The following FBXL6 variants were observed in gnomAD, a reference collection of about 807,000 sequenced individuals.
FBXL6 encodes the protein F-box and leucine rich repeat protein 6, also known as F-box/LRR-repeat protein 6.
A neutral mutation model predicts 53.3 loss-of-function variants in FBXL6; 50 were observed. The observed-to-expected ratio is 0.94, with a 90% CI of 0.75 to 1.19. The LOEUF (loss-of-function observed/expected upper bound fraction) is 1.19. FBXL6 is among the 50% of genes most tolerant of loss of function. FBXL6 has a pLI of 0.00. For missense variants in FBXL6, 815 were observed against 719.0 expected (o/e 1.13, Z -1.53); for synonymous variants, 405 against 322.9 (o/e 1.25, Z -2.73).
chr8:144,356,691 T>A lies in FBXL6; in HGVS notation c.902A>T (p.Gln301Leu). 3 of 1,612,036 alleles carry A rather than the reference T, an allele frequency of 1.9e-6. No homozygotes were observed. In the South Asian group the frequency reaches 3.3e-5, roughly 18 times the overall value. Residue 301 changes from glutamine to leucine, a missense_variant, in exon 6 of 9, where the codon CAG (glutamine) becomes CTG (leucine). Physicochemically the swap from Gln to Leu is moderately radical, Grantham distance 113. Coordinates refer to ENST00000331890, the MANE Select transcript of FBXL6 (RefSeq NM_012162.4). ...GATGCCGGTGCTCACCTCCAGGACC[T>A]GGAGCTGGGGGCAGCAGCTGCCCTG... ...ALLGSCCPQL[Q>L]VLEVSTGINR...
In FBXL6 at chr8:144,357,659, G is replaced by C. The variant is rs1326471203; in HGVS notation, c.544C>G (p.Leu182Val). 17 of 1,610,664 alleles carry C rather than the reference G, an allele frequency of 1.1e-5. No individual in the cohort carries two copies. The highest frequency in any genetic ancestry group is 1.4e-5 in the Non-Finnish European group (17 of 1,178,636). Residue 182 changes from leucine to valine, a missense_variant, in exon 2 of 9, where the codon CTT (leucine) becomes GTT (valine). Leu to Val is a conservative substitution (Grantham distance 32, BLOSUM62 1). Coordinates refer to ENST00000331890, the MANE Select transcript of FBXL6 (RefSeq NM_012162.4). ...GGCATAAGCCACTCCAGGGAAGCAA[G>C]GAGCTTCTTCTCCGCCTTGACCCCG... Reference protein sequence around the residue: ...KGGVKAEKKLLASLEWLMPNR... With the variant: ...KGGVKAEKKLVASLEWLMPNR...
Position 144,355,469 on chromosome 8 carries a change from C to T in FBXL6, c.*62G>A, listed in dbSNP as rs1818355488. On this transcript the variant is annotated 3_prime_UTR_variant, in exon 9 of 9. Transcript: ENST00000331890. ...TTATTTTAACAAAATGCTCAAATAT[C>T]TGAAATTGGGCAAAGGTGGAGGGTG... 6 of 1,579,566 alleles carry T rather than the reference C, an allele frequency of 3.8e-6. No individual in the cohort carries two copies. Among genetic ancestry groups the T allele is most frequent in the South Asian group, 1.1e-5 (1 of 89,578 alleles).
rs368840547 is a variant in FBXL6, at chr8:144,357,797, A to T, written c.417-11T>A. Reference sequence around the variant, plus strand: ...CACACGCGCGCAGCCCTGGGAGGACAGCGTGCTGAGGGTGCCGGCCCCTCC... The same window carrying T: ...CACACGCGCGCAGCCCTGGGAGGACTGCGTGCTGAGGGTGCCGGCCCCTCC... On this transcript the variant is annotated splice_polypyrimidine_tract_variant and intron_variant, in intron 1 of 8. Coordinates refer to ENST00000331890, the MANE Select transcript of FBXL6 (RefSeq NM_012162.4). The T allele has an allele frequency of 1.6e-4, 240 of 1,537,246 alleles. 2 individuals carry two copies. In the South Asian group the frequency reaches 2.8e-3, roughly 18 times the overall value.
rs1554853362 is a variant in FBXL6, at chr8:144,358,079, A to G, written c.369T>C (p.Ile123=). The G allele has an allele frequency of 1.3e-6, 2 of 1,598,216 alleles. No individual in the cohort carries two copies. Among genetic ancestry groups the G allele is most frequent in the Admixed American group, 3.4e-5 (2 of 59,578 alleles). ...CGTCCGCCGCCACCAACAACCCGAA[A>G]ATCTGCACCAGGATTTCCAAGGGAA... ...DRIPLEILVQ[I]FGLLVAADGP... Residue 123 remains isoleucine (I), a synonymous_variant, in exon 1 of 9, where the codon ATT becomes ATC. Coordinates refer to ENST00000331890, the MANE Select transcript of FBXL6 (RefSeq NM_012162.4).
chr8:144,357,751 G>A lies in FBXL6; in HGVS notation c.452C>T (p.Ala151Val), dbSNP rs1554853232. 1.3e-6 allele frequency: 2 copies of A among 1,596,612 alleles called. No homozygotes were observed. Among genetic ancestry groups the A allele is most frequent in the Non-Finnish European group, 1.7e-6 (2 of 1,173,462 alleles). Reference protein sequence around the residue: ...ARVCRRWQEAASQPALWHTVT... With the variant: ...ARVCRRWQEAVSQPALWHTVT... ...GGTGTGCCAGAGCGCGGGTTGGGAAGCGGCCTCCTGCCAGCGGCGGCACAC... is the reference window on the plus strand; with the variant it reads ...GGTGTGCCAGAGCGCGGGTTGGGAAACGGCCTCCTGCCAGCGGCGGCACAC... Residue 151 changes from alanine (A) to valine (V), a missense_variant, in exon 2 of 9, where the codon GCT becomes GTT. Physicochemically the swap from Ala to Val is moderately conservative, Grantham distance 64 (BLOSUM62 0). Transcript: ENST00000331890.
At position 144,356,956 on chromosome 8, in the gene FBXL6, GT is replaced by G. The variant is rs782111680; in HGVS notation, c.771+33del. The G allele has an allele frequency of 1.9e-6, 3 of 1,613,096 alleles. No individual in the cohort carries two copies. In the South Asian group the frequency reaches 3.3e-5, roughly 18 times the overall value. On this transcript the variant is annotated intron_variant, in intron 4 of 8. Coordinates refer to ENST00000331890, the MANE Select transcript of FBXL6 (RefSeq NM_012162.4). ...AAGAGCACCCGTCACCCCGGCCTGG[GT>G]TTTTTCAGGGCCCCTTGGGACACAG...
rs1554852987 is a variant in FBXL6, at chr8:144,356,972, T to C, written c.771+18A>G. On this transcript the variant is annotated intron_variant, in intron 4 of 8. Transcript: ENST00000331890. The stretch of plus-strand genomic sequence containing the variant: ...CCGGCCTGGGTTTTTTCAGGGCCCC[T>C]TGGGACACAGGGCTCACCATGGAGT... The C allele has an allele frequency of 5.0e-6, 8 of 1,612,984 alleles. No homozygotes were observed. Among genetic ancestry groups the C allele is most frequent in the Non-Finnish European group, 6.8e-6 (8 of 1,179,972 alleles).
intron 2 of FBXL6, 28 bp from the exon 3 acceptor site, chr8:144,357,530 A>G (rs1554853167): frequency 6.2e-7 from 1 of 1,613,248 alleles, no homozygotes; most frequent in Admixed American, 1.7e-5. Flanking sequence ...GCAGAGCTGC[A>G]CTAATGTTCC....
Position 144,356,733 on chromosome 8 carries a change from G to A in FBXL6, c.880-20C>T, listed in dbSNP as rs1554852900. ...GCTGCCCTGCAGAGATGGGGGGAGGGGGTAGGTCACAGGGTCAGTGGCCTG... is the reference window on the plus strand; with the variant it reads ...GCTGCCCTGCAGAGATGGGGGGAGGAGGTAGGTCACAGGGTCAGTGGCCTG... On this transcript the variant is annotated intron_variant, in intron 5 of 8. Coordinates refer to ENST00000331890, the MANE Select transcript of FBXL6 (RefSeq NM_012162.4). 2 of 1,610,214 alleles carry A rather than the reference G, an allele frequency of 1.2e-6. No individual in the cohort carries two copies. The highest frequency in any genetic ancestry group is 1.1e-5 in the South Asian group (1 of 91,018).
chr8:144,358,256 G>A lies in FBXL6; in HGVS notation c.192C>T (p.Ser64=). The change falls in exon 1 of 9, where the codon TCC becomes TCT. Residue 64 remains serine, a synonymous_variant. Coordinates refer to ENST00000331890, the MANE Select transcript of FBXL6 (RefSeq NM_012162.4). ...PARPRAQRRA[S]RRTPRQPPRG... ...GGGGCGGCTGCCGGGGAGTGCGGCG[G>A]GAAGCGCGCCGCTGTGCGCGGGGCC... 8.2e-7 allele frequency: 1 copy of A among 1,218,658 alleles called. No individual in the cohort carries two copies. Among genetic ancestry groups the A allele is most frequent in the Non-Finnish European group, 1.0e-6 (1 of 979,386 alleles). The allele number at this position is 1,218,658 out of a possible 1,614,324, so 75.5% of individuals were successfully genotyped here. A position where few individuals can be genotyped will look rare whatever the true frequency, so the allele number is the denominator to read the frequency against.
intron 2 of FBXL6, 43 bp from the exon 3 acceptor site, chr8:144,357,545 C>G: frequency 6.2e-7 from 1 of 1,612,488 alleles, no homozygotes. Flanking sequence ...TGTTCCCACA[C>G]GAGTCCTTCC....
intron 3 of FBXL6, 127 bp downstream of exon 3, chr8:144,357,303 GAAAAGAGAA>G: frequency 7.8e-7 from 1 of 1,281,196 alleles, no homozygotes; most frequent in Non-Finnish European, 1.1e-6. Context: ...GAAACAGCAG[GAAAAGAGAA>G]CCAGGCAGGC....
In FBXL6 at chr8:144,356,866, A is replaced by T; in HGVS notation, c.821T>A (p.Met274Lys). ...VSFLEEAGSR[M>K]RKLWLTYSSQ... ...GCTGTAGGTCAGCCACAACTTGCGC[A>T]TTCGGGACCCTGCCTCCTCCAAGAA... is the stretch of plus-strand genomic sequence containing the variant. Residue 274 changes from methionine to lysine, a missense_variant, in exon 5 of 9, where the codon ATG becomes AAG. Physicochemically the swap from Met to Lys is moderately conservative, Grantham distance 95. Coordinates refer to ENST00000331890, the MANE Select transcript of FBXL6 (RefSeq NM_012162.4). 3 of 1,613,428 alleles carry T rather than the reference A, an allele frequency of 1.9e-6. No individual in the cohort carries two copies. Among genetic ancestry groups the T allele is most frequent in the Non-Finnish European group, 2.5e-6 (3 of 1,179,998 alleles).
Position 144,357,075 on chromosome 8 carries a change from C to G in FBXL6, c.686G>C (p.Gly229Ala), listed in dbSNP as rs1818486128. The change falls in exon 4 of 9, where the codon GGC becomes GCC. Residue 229 changes from glycine to alanine, a missense_variant. Physicochemically the swap from Gly to Ala is moderately conservative, Grantham distance 60. Coordinates refer to ENST00000331890, the MANE Select transcript of FBXL6 (RefSeq NM_012162.4). The stretch of plus-strand genomic sequence containing the variant: ...AGCGTCAGCAGTCACACCGTGGCAG[C>G]CGGAGAGCTTGAGGAAAGTGAGCCG... ...CPRLTFLKLS[G>A]CHGVTADALV... 2 of 1,612,980 alleles carry G rather than the reference C, an allele frequency of 1.2e-6. No individual in the cohort carries two copies. Among genetic ancestry groups the G allele is most frequent in the Non-Finnish European group, 1.7e-6 (2 of 1,180,024 alleles).
In FBXL6 at chr8:144,357,753, G is replaced by A. The variant is rs1554853233; in HGVS notation, c.450C>T (p.Ala150=). The A allele has an allele frequency of 6.3e-7, 1 of 1,596,436 alleles. No homozygotes were observed. The highest frequency in any genetic ancestry group is 1.1e-5 in the South Asian group (1 of 89,818). ...AARVCRRWQE[A]ASQPALWHTV... is the part of the protein sequence containing the mutation. ...TGTGCCAGAGCGCGGGTTGGGAAGC[G>A]GCCTCCTGCCAGCGGCGGCACACGC... The change falls in exon 2 of 9, where the codon GCC becomes GCT. Residue 150 remains alanine, a synonymous_variant. Transcript: ENST00000331890.
In FBXL6 at chr8:144,356,731, G is replaced by C. The variant is rs537010969; in HGVS notation, c.880-18C>G. On this transcript the variant is annotated intron_variant, in intron 5 of 8. Transcript: ENST00000331890. ...CAGCTGCCCTGCAGAGATGGGGGGA[G>C]GGGGTAGGTCACAGGGTCAGTGGCC... 2.5e-6 allele frequency: 4 copies of C among 1,610,930 alleles called. No homozygotes were observed. Among genetic ancestry groups the C allele is most frequent in the South Asian group, 1.1e-5 (1 of 91,052 alleles).
In FBXL6 at chr8:144,358,127, G is replaced by C; in HGVS notation, c.321C>G (p.Pro107=). 6.4e-7 allele frequency: 1 copy of C among 1,574,386 alleles called. No individual in the cohort carries two copies. Among genetic ancestry groups the C allele is most frequent in the Non-Finnish European group, 8.6e-7 (1 of 1,166,040 alleles). ...PAPTPTPEEG[P]DAGWGDRIPL... is the part of the protein sequence containing the mutation. The stretch of plus-strand genomic sequence containing the variant: ...GAATGCGGTCTCCCCAGCCCGCGTC[G>C]GGCCCTTCCTCGGGCGTGGGCGTGG... The change falls in exon 1 of 9, where the codon CCC becomes CCG. Residue 107 remains proline, a synonymous_variant. Coordinates refer to ENST00000331890, the MANE Select transcript of FBXL6 (RefSeq NM_012162.4).
rs782490627 is a variant in FBXL6 at position 144,357,698 on chromosome 8, G to C, written c.505C>G (p.Arg169Gly). ...TVTLSSPLVG[R>G]PAKGGVKAEK... is the part of the protein sequence containing the mutation. ...GCCTTGACCCCGCCCTTGGCAGGCC[G>C]GCCGACCAGCGGGGACGACAGGGTC... Residue 169 changes from arginine to glycine, a missense_variant, in exon 2 of 9, where the codon CGG becomes GGG. By Grantham distance (125) the Arg-to-Gly change is moderately radical. Coordinates refer to ENST00000331890, the MANE Select transcript of FBXL6 (RefSeq NM_012162.4). 1 of 1,610,558 alleles carries C rather than the reference G, an allele frequency of 6.2e-7. No individual in the cohort carries two copies. Among genetic ancestry groups the C allele is most frequent in the Non-Finnish European group, 8.5e-7 (1 of 1,178,938 alleles).
At chr8:144,357,577 G>A in intron 2 of FBXL6, 51 bp downstream of exon 2, 1 of 1,608,640 alleles carries the variant, frequency 6.2e-7, no homozygotes, top group Non-Finnish European at 8.5e-7. Context: ...TTGGTGCAGG[G>A]AGACGGAAGG....
Sources: gnomAD v4.1 joint callset for allele counts on GRCh38, gnomAD v4.1.1 for gene constraint, MANE v1.5 for transcripts, NCBI Gene and HGNC (gene_info 2026-07-23, HGNC 2026-07-21) for gene names.